CA10: variants seen among roughly 807,000 people sequenced by gnomAD.
The protein encoded by CA10 is carbonic anhydrase 10 (inactive), also known as carbonic anhydrase-related protein 10.
In CA10, 14 loss-of-function variants were observed where a neutral mutation model predicts 44.2. The ratio of observed to expected loss-of-function variants is 0.32; its 90% CI spans 0.21 to 0.50. CA10 has a LOEUF of 0.50. Ranked by LOEUF, CA10 falls within the 20% of genes least tolerant of loss-of-function variation. CA10 has a pLI of 0.99. For synonymous variants in CA10, 159 were observed against 141.6 expected, an observed-to-expected ratio of 1.12 and a Z score of -0.87; for missense variants, 350 against 409.7, an observed-to-expected ratio of 0.85 and a Z score of 1.26.
intron 3 of CA10, among the ~76,000 whole-genome samples, chr17:51,898,347 T>A (rs549025992): frequency 1.3e-5 from 2 of 152,286 alleles, no homozygotes; most frequent in Admixed American, 1.3e-4. Context: ...ATGTGATAAA[T>A]AACATTTATT....
At chr17:51,669,450 G>T (rs547535424) in intron 4 of CA10, among the ~76,000 whole-genome samples, 100 of 152,214 alleles carry the variant, frequency 6.6e-4, no homozygotes, top group Non-Finnish European at 1.2e-3. Flanking sequence ...ATAGAAGCAG[G>T]CCGCCCCAGC....
chr17:51,702,350 T>C (rs1243833499), intron 4 of CA10, among the ~76,000 whole-genome samples: 1 of 152,100 alleles, frequency 6.6e-6, no homozygotes, highest in East Asian at 1.9e-4. Context: ...TGGAGCCCTT[T>C]ATATGACCTT....
chr17:52,029,994 T>A (rs1986417029), intron 2 of CA10, among the ~76,000 whole-genome samples: 2 of 152,216 alleles, frequency 1.3e-5, no homozygotes, highest in African/African-American at 4.8e-5. Context: ...CATCTGTTCA[T>A]TTCTGTAGAG....
At chr17:51,863,572 C>T (rs894503714) in intron 3 of CA10, among the ~76,000 whole-genome samples, 6 of 152,192 alleles carry the variant, frequency 3.9e-5, no homozygotes, top group African/African-American at 1.4e-4. Context: ...TCCACAAACT[C>T]CTCTCACTTA....
intron 3 of CA10, among the ~76,000 whole-genome samples, chr17:51,823,444 A>G (rs1186359050): frequency 2.6e-5 from 4 of 152,220 alleles, no homozygotes; most frequent in Non-Finnish European, 1.5e-5. Context: ...TTGGATACCA[A>G]CTGCCAAGGG....
intron 4 of CA10, among the ~76,000 whole-genome samples, chr17:51,716,319 T>A (rs919174159): frequency 2.0e-5 from 3 of 152,140 alleles, no homozygotes; most frequent in Admixed American, 1.3e-4. Flanking sequence ...GGAAGAGCCC[T>A]GGGCCTGGAC....
At chr17:52,084,053 C>T (rs559507789) in intron 1 of CA10, among the ~76,000 whole-genome samples, 11 of 152,246 alleles carry the variant, frequency 7.2e-5, no homozygotes, top group Middle Eastern at 3.4e-3. Context: ...TAAAGAGCCT[C>T]TGAGGACATT....
intron 1 of CA10, among the ~76,000 whole-genome samples, chr17:52,156,005 G>T (rs1017413440): frequency 6.6e-6 from 1 of 152,122 alleles, no homozygotes; most frequent in Non-Finnish European, 1.5e-5. Flanking sequence ...TGATTGCCTG[G>T]CGAAATTCAG....
At chr17:52,109,230 T>A (rs538610995) in intron 1 of CA10, among the ~76,000 whole-genome samples, 2 of 152,358 alleles carry the variant, frequency 1.3e-5, no homozygotes, top group Non-Finnish European at 1.5e-5. Flanking sequence ...ATAATAGTAC[T>A]ATTTTCTGAT....
intron 3 of CA10, among the ~76,000 whole-genome samples, chr17:51,915,915 C>A (rs1981977039): frequency 6.6e-6 from 1 of 151,734 alleles, no homozygotes; most frequent in Non-Finnish European, 1.5e-5. Context: ...ACAGCATGGA[C>A]CCAAACTGCT....
chr17:52,113,909 A>G (rs1156416486), intron 1 of CA10, among the ~76,000 whole-genome samples: 1 of 152,322 alleles, frequency 6.6e-6, no homozygotes, highest in Non-Finnish European at 1.5e-5. Flanking sequence ...AAAGATTCAG[A>G]TGGAAATCAG....
At chr17:52,024,053 A>T (rs975635543) in intron 2 of CA10, among the ~76,000 whole-genome samples, 2 of 151,870 alleles carry the variant, frequency 1.3e-5, no homozygotes, top group Non-Finnish European at 2.9e-5. Flanking sequence ...AGCGAACATG[A>T]CTCCTACCTT....
intron 3 of CA10, among the ~76,000 whole-genome samples, chr17:51,926,701 T>C (rs1190068489): frequency 6.6e-6 from 1 of 152,176 alleles, no homozygotes; most frequent in Non-Finnish European, 1.5e-5. Context: ...TGATTCGGAC[T>C]CTCCTGCTTC....
At chr17:51,693,022 T>C (rs971627252) in intron 4 of CA10, among the ~76,000 whole-genome samples, 1 of 152,250 alleles carries the variant, frequency 6.6e-6, no homozygotes, top group African/African-American at 2.4e-5. Flanking sequence ...TTTGACTGGT[T>C]TCAACTAGCT....
chr17:51,703,975 G>A (rs930718586), intron 4 of CA10, among the ~76,000 whole-genome samples: 3 of 152,148 alleles, frequency 2.0e-5, no homozygotes, highest in African/African-American at 7.2e-5. Flanking sequence ...CATTGATGCT[G>A]TGGCCCAAGA....
At chr17:51,652,906 TTTTA>T (rs1254023901) in intron 5 of CA10, among the ~76,000 whole-genome samples, 5 of 152,230 alleles carry the variant, frequency 3.3e-5, no homozygotes, top group Non-Finnish European at 7.3e-5. Flanking sequence ...TTTTTTTAAT[TTTTA>T]TTTTTCTAAT....
intron 1 of CA10, among the ~76,000 whole-genome samples, chr17:52,096,118 T>C (rs963888042): frequency 2.0e-5 from 3 of 152,144 alleles, no homozygotes; most frequent in Admixed American, 1.3e-4. Context: ...CACCATGAGC[T>C]AGAAAGCATG....
At chr17:52,108,935 AC>A (rs1426836328) in intron 1 of CA10, among the ~76,000 whole-genome samples, 1 of 152,042 alleles carries the variant, frequency 6.6e-6, no homozygotes, top group Non-Finnish European at 1.5e-5. Context: ...TGAAGTACAA[AC>A]TTTTTTTAAA....
chr17:52,120,597 G>A (rs924204616), intron 1 of CA10, among the ~76,000 whole-genome samples: 1 of 152,146 alleles, frequency 6.6e-6, no homozygotes, highest in Non-Finnish European at 1.5e-5. Flanking sequence ...GAGAATCTCT[G>A]ACCTGCCCCA....
Sources: gnomAD v4.1 joint callset for allele counts (sites outside exome capture counted in the v4.1 genomes callset) on GRCh38, gnomAD v4.1.1 for gene constraint, MANE v1.5 for transcripts, NCBI Gene and HGNC (gene_info 2026-07-23, HGNC 2026-07-21) for gene names.